The following ATP8A2 variants were observed in gnomAD, a reference collection of about 807,000 sequenced individuals.
ATP8A2 encodes ATPase phospholipid transporting 8A2.
A neutral mutation model predicts 165.6 loss-of-function variants in ATP8A2; 100 were observed. The observed-to-expected ratio is 0.60, with a 90% confidence interval of 0.51 to 0.71. The LOEUF (loss-of-function observed/expected upper bound fraction) is 0.71. ATP8A2 is among the 30% of genes least tolerant of loss of function. The pLI is 0.00. For synonymous variants in ATP8A2, 543 were observed against 548.8 expected, an observed-to-expected ratio of 0.99 and a Z score of 0.15; for missense variants, 1,227 against 1,479.5, an observed-to-expected ratio of 0.83 and a Z score of 2.80.
intron 29 of ATP8A2, among the ~76,000 whole-genome samples, chr13:25,837,854 A>G (rs957335475): frequency 6.6e-6 from 1 of 152,196 alleles, no homozygotes. Context: ...AAAAAAAGAA[A>G]GATATAGGTG....
chr13:25,711,050 G>C (rs137982348), intron 25 of ATP8A2, among the ~76,000 whole-genome samples: 1 of 152,198 alleles, frequency 6.6e-6, no homozygotes, highest in Non-Finnish European at 1.5e-5. Context: ...TGTCGCCCAG[G>C]CTGGAATGCT....
chr13:25,860,861 G>GT lies in ATP8A2; in HGVS notation c.3075+2dup. 1 of 1,582,394 alleles carries GT rather than the reference G, an allele frequency of 6.3e-7. No homozygotes were observed. On this transcript the variant is annotated splice_donor_variant, in intron 32 of 36. Transcript: ENST00000381655. LOFTEE classifies it high-confidence loss of function. The stretch of plus-strand genomic sequence containing the variant: ...TTTGGAGACCACAGCTTGGACTAAA[G>GT]TAAGTTTTCTCTAGAATTGTTTCTC...
intron 22 of ATP8A2, among the ~76,000 whole-genome samples, chr13:25,580,734 A>G (rs1314413712): frequency 3.3e-5 from 5 of 152,114 alleles, no homozygotes; most frequent in South Asian, 2.1e-4. Context: ...GGGTCTTGCT[A>G]TGTTTCCCAG....
At chr13:25,624,573 G>A (rs1477014763) in intron 24 of ATP8A2, among the ~76,000 whole-genome samples, 1 of 152,134 alleles carries the variant, frequency 6.6e-6, no homozygotes, top group East Asian at 1.9e-4. Flanking sequence ...AGTATTGTAT[G>A]TAGGTGAACA....
intron 33 of ATP8A2, among the ~76,000 whole-genome samples, chr13:25,947,271 A>T (rs185644898): frequency 1.6e-4 from 24 of 152,290 alleles, no homozygotes; most frequent in Admixed American, 5.2e-4. Flanking sequence ...GAAATATCTC[A>T]TATTCAGGGT....
At chr13:25,510,174 A>AACACACACACAC (rs57755000) in intron 2 of ATP8A2, among the ~76,000 whole-genome samples, 42 of 128,602 alleles carry the variant, frequency 3.3e-4, no homozygotes, top group African/African-American at 1.0e-3. Context: ...GTCTGTCTGT[A>AACACACACACAC]ACACACACAC....
intron 27 of ATP8A2, among the ~76,000 whole-genome samples, chr13:25,802,851 G>A (rs149950172): frequency 6.2e-4 from 94 of 152,174 alleles, no homozygotes; most frequent in African/African-American, 2.0e-3. Flanking sequence ...TACTAGAACC[G>A]CAGAATATAA....
In ATP8A2 at chr13:25,533,309, A is replaced by G; in HGVS notation, c.503A>G (p.Lys168Arg). The part of the protein sequence containing the change: ...RNGMWHTIMW[K>R]EVAVGDIVKV... Reference sequence around the variant, plus strand: ...GGTATGTGGCATACCATTATGTGGAAAGAGGTAAAAACTAATTTTAAAGAT... The same window carrying G: ...GGTATGTGGCATACCATTATGTGGAGAGAGGTAAAAACTAATTTTAAAGAT... The change falls in exon 6 of 37, where the codon AAA becomes AGA. Residue 168 changes from lysine (K) to arginine (R), a missense_variant. This residue lies in a region of ATP8A2 where 356 missense variants were observed against 394.9 expected (regional missense o/e 0.90). Coordinates refer to ENST00000381655, the MANE Select transcript of ATP8A2 (RefSeq NM_016529.6). The G allele has an allele frequency of 6.7e-7, 1 of 1,502,116 alleles. No individual in the cohort carries two copies. The highest frequency in any genetic ancestry group is 9.2e-7 in the Non-Finnish European group (1 of 1,082,428). The allele number at this position is 1,502,116 out of a possible 1,614,324, so 93.0% of individuals were successfully genotyped here. A position where few individuals can be genotyped will look rare whatever the true frequency, so the allele number is the denominator to read the frequency against.
chr13:25,683,939 A>G (rs996034677), intron 24 of ATP8A2, among the ~76,000 whole-genome samples: 4 of 152,134 alleles, frequency 2.6e-5, no homozygotes, highest in Non-Finnish European at 5.9e-5. Flanking sequence ...GTACATTTTC[A>G]TATTTCTTCC....
intron 24 of ATP8A2, among the ~76,000 whole-genome samples, chr13:25,610,298 G>C (rs781503522): frequency 6.6e-6 from 1 of 152,064 alleles, no homozygotes; most frequent in Non-Finnish European, 1.5e-5. Context: ...TGTATAAGGT[G>C]ACAGATAAGG....
At chr13:25,756,845 A>G (rs1176425667) in intron 25 of ATP8A2, among the ~76,000 whole-genome samples, 1 of 152,222 alleles carries the variant, frequency 6.6e-6, no homozygotes, top group Non-Finnish European at 1.5e-5. Context: ...ACTTAAAAGC[A>G]TAGGCTTTGG....
At chr13:25,879,978 G>A (rs532029245) in intron 33 of ATP8A2, among the ~76,000 whole-genome samples, 10 of 152,200 alleles carry the variant, frequency 6.6e-5, no homozygotes, top group African/African-American at 2.2e-4. Context: ...AGTTTTTCCC[G>A]TGAGAAAAAT....
chr13:25,886,120 A>C (rs1953144366), intron 33 of ATP8A2, among the ~76,000 whole-genome samples: 1 of 152,252 alleles, frequency 6.6e-6, no homozygotes, highest in Admixed American at 6.5e-5. Flanking sequence ...ATATTACAGT[A>C]GTTAGTTCTG....
chr13:25,467,162 G>A (rs371675907), intron 1 of ATP8A2, among the ~76,000 whole-genome samples: 1 of 152,176 alleles, frequency 6.6e-6, no homozygotes, highest in South Asian at 2.1e-4. Context: ...AGGTTGGAGG[G>A]AAGGAGATGA....
At chr13:25,988,156 T>G (rs1286154361) in intron 35 of ATP8A2, among the ~76,000 whole-genome samples, 1 of 152,170 alleles carries the variant, frequency 6.6e-6, no homozygotes, top group Non-Finnish European at 1.5e-5. Flanking sequence ...CTGAGAAGGG[T>G]CCACCTGAAA....
chr13:25,544,082 A>G (rs2038567654), intron 10 of ATP8A2, among the ~76,000 whole-genome samples: 1 of 152,272 alleles, frequency 6.6e-6, no homozygotes, highest in Non-Finnish European at 1.5e-5. Context: ...AACTTCTAAA[A>G]TGCACATTTG....
At chr13:25,801,353 G>A (rs563648085) in intron 27 of ATP8A2, among the ~76,000 whole-genome samples, 3 of 152,302 alleles carry the variant, frequency 2.0e-5, no homozygotes, top group East Asian at 1.9e-4. Flanking sequence ...ATGTTTCTCA[G>A]TGTCAAGCCA....
At chr13:25,617,186 A>C (rs12872299) in intron 24 of ATP8A2, among the ~76,000 whole-genome samples, 8,711 of 152,264 alleles carry the variant, frequency 0.057, 552 homozygotes, top group African/African-American at 0.14. Flanking sequence ...CAAAAGCTAA[A>C]ATGCCAAACC....
chr13:25,734,827 C>T (rs955255756), intron 25 of ATP8A2, among the ~76,000 whole-genome samples: 10 of 152,078 alleles, frequency 6.6e-5, no homozygotes, highest in African/African-American at 1.7e-4. Flanking sequence ...TTAGTAGAGA[C>T]GGGGTTTCAC....
Sources: allele counts gnomAD v4.1 joint callset (sites outside exome capture counted in the v4.1 genomes callset), GRCh38; gene constraint gnomAD v4.1.1; regional missense constraint gnomAD v4.1.1; transcripts MANE v1.5; gene names NCBI Gene and HGNC (gene_info 2026-07-23, HGNC 2026-07-21).